Variants in COL11A1 observed in about 807,000 individuals in gnomAD.
COL11A1 encodes the protein collagen alpha-1(XI) chain.
A neutral mutation model predicts 265.2 loss-of-function variants in COL11A1; 74 were observed. The observed-to-expected ratio is 0.28, with a 90% CI of 0.23 to 0.34. COL11A1 has a LOEUF of 0.34. Among genes scored for constraint, COL11A1 ranks in the 10% least tolerant of loss-of-function variants. The pLI is 1.00. For missense variants in COL11A1, 2,165 were observed against 2,263.6 expected, an observed-to-expected ratio of 0.96 and a Z score of 0.88; for synonymous variants, 816 against 727.6, an observed-to-expected ratio of 1.12 and a Z score of -1.96.
chr1:102,992,459 A>G lies in COL11A1; in HGVS notation c.2341-2888T>C, dbSNP rs1371568706. 2.0e-5 allele frequency among the ~76,000 whole-genome samples: 3 copies of G among 152,078 alleles called. No individual in the cohort carries two copies. The East Asian group carries it at 5.8e-4, about 29-fold the overall frequency. The stretch of plus-strand genomic sequence containing the variant: ...ATATCACCTTTGGTTAACAATTAAC[A>G]TCATTATATATAAAATATTTTCCAT... On this transcript the variant is annotated intron_variant, in intron 28 of 66. Coordinates refer to ENST00000370096, the MANE Select transcript of COL11A1 (RefSeq NM_001854.4).
chr1:102,985,494 T>C (rs912651394), intron 30 of COL11A1, among the ~76,000 whole-genome samples: 5 of 152,128 alleles, frequency 3.3e-5, no homozygotes, highest in African/African-American at 1.2e-4. Context: ...TTTTACACCA[T>C]CAATTTCAGG....
intron 28 of COL11A1, among the ~76,000 whole-genome samples, chr1:102,993,318 G>A (rs1664317630): frequency 6.6e-6 from 1 of 151,896 alleles, no homozygotes; most frequent in South Asian, 2.1e-4. Context: ...TCTTCTCTTG[G>A]TATCTAGGGG....
intron 47 of COL11A1, 133 bp from the exon 48 acceptor site, chr1:102,921,704 A>G (rs1341954522): frequency 2.8e-6 from 2 of 726,472 alleles, no homozygotes; most frequent in Admixed American, 2.5e-5. Flanking sequence ...CATCAGGGTT[A>G]TAAGTCATCC....
chr1:102,909,567 G>A (rs1654401823), intron 54 of COL11A1, among the ~76,000 whole-genome samples: 1 of 151,772 alleles, frequency 6.6e-6, no homozygotes, highest in Non-Finnish European at 1.5e-5. Context: ...TCTAATATAT[G>A]AAAATGCATC....
chr1:103,033,107 A>C (rs1260566687), intron 4 of COL11A1, among the ~76,000 whole-genome samples: 3 of 151,974 alleles, frequency 2.0e-5, no homozygotes, highest in Non-Finnish European at 4.4e-5. Context: ...GGCCTTTTTC[A>C]ATTGGCTTCT....
At position 102,962,678 on chromosome 1, in the gene COL11A1, C is replaced by T; in HGVS notation, c.2999G>A (p.Gly1000Asp). ...CTTTGCACCTTCTTTTCCTGCAGCA[C>T]CAGGAAGACCTTGCTCACCAGGAGG... ...PGPPGEQGLP[G>D]AAGKEGAKGD... Residue 1000 changes from glycine to aspartate, a missense_variant, in exon 39 of 67, where the codon GGT becomes GAT. Physicochemically the swap from Gly to Asp is moderately conservative, Grantham distance 94 (BLOSUM62 -1). Coordinates refer to ENST00000370096, the MANE Select transcript of COL11A1 (RefSeq NM_001854.4). The T allele has an allele frequency of 6.2e-7, 1 of 1,614,108 alleles. No homozygotes were observed. Among genetic ancestry groups the T allele is most frequent in the African/African-American group, 1.3e-5 (1 of 75,040 alleles).
At chr1:103,025,806 C>A in intron 6 of COL11A1, 193 bp from the exon 7 acceptor site, 4 of 1,613,044 alleles carry the variant, frequency 2.5e-6, no homozygotes, top group Non-Finnish European at 3.4e-6. Context: ...CTACCTTTAC[C>A]CCTAGTTTGG....
intron 41 of COL11A1, among the ~76,000 whole-genome samples, chr1:102,950,287 G>GT (rs560388196): frequency 1.3e-5 from 2 of 151,900 alleles, no homozygotes; most frequent in African/African-American, 4.8e-5. Context: ...TGTCTCGAAA[G>GT]AAAAAAGAAG....
chr1:102,996,103 A>G, intron 26 of COL11A1, 61 bp from the exon 27 acceptor site: 1 of 1,529,084 alleles, frequency 6.5e-7, no homozygotes, highest in Non-Finnish European at 9.0e-7. Context: ...TCATTTACAT[A>G]CTATAATTTT....
chr1:103,003,299 T>TAA lies in COL11A1; in HGVS notation c.1945-33_1945-32dup, dbSNP rs370445089. 909 of 1,398,620 alleles carry TAA rather than the reference T, an allele frequency of 6.5e-4. 4 individuals carry two copies. The African/African-American group carries it at 0.01, about 16-fold the overall frequency. The allele number at this position is 1,398,620 out of a possible 1,614,324, so 86.6% of individuals were successfully genotyped here. A position where few individuals can be genotyped will look rare whatever the true frequency, so the allele number is the denominator to read the frequency against. On this transcript the variant is annotated intron_variant, in intron 20 of 66. Transcript: ENST00000370096. Reference sequence around the variant, plus strand: ...AGAAAAAGAAAAAGCACGCCTTTATTAAAAAAAAAAAATGTCCTAATAACA... The same window carrying TAA: ...AGAAAAAGAAAAAGCACGCCTTTATTAAAAAAAAAAAAAATGTCCTAATAACA...
intron 53 of COL11A1, among the ~76,000 whole-genome samples, chr1:102,913,194 C>G (rs1654898644): frequency 6.6e-6 from 1 of 151,536 alleles, no homozygotes; most frequent in African/African-American, 2.4e-5. Flanking sequence ...AAAGTACACT[C>G]CTGTATCATT....
chr1:102,940,332 C>T lies in COL11A1; in HGVS notation c.3379G>A (p.Asp1127Asn). ...GPAGSPGEDG[D>N]KGEIGEPGQK... The stretch of plus-strand genomic sequence containing the variant: ...CACGAATAATGAATACCAACCTTGT[C>T]TCCGTCTTCCCCAGGGGAGCCGGCA... The change falls in exon 43 of 67, where the codon GAC becomes AAC. Residue 1127 changes from aspartate to asparagine, a missense_variant. By Grantham distance (23) the Asp-to-Asn change is conservative (BLOSUM62 1). Coordinates refer to ENST00000370096, the MANE Select transcript of COL11A1 (RefSeq NM_001854.4). 6.2e-7 allele frequency: 1 copy of T among 1,612,932 alleles called. No homozygotes were observed. The highest frequency in any genetic ancestry group is 8.5e-7 in the Non-Finnish European group (1 of 1,178,982).
intron 5 of COL11A1, among the ~76,000 whole-genome samples, chr1:103,027,396 AATATATATATATATAT>A (rs57013059): frequency 0.44 from 40,175 of 91,696 alleles, 8,546 homozygotes; most frequent in South Asian, 0.52. Flanking sequence ...TTAAAACTCT[AATATATATATATATAT>A]ATATATATAT....
At chr1:103,006,389 G>T in intron 15 of COL11A1, 74 bp from the exon 16 acceptor site, 1 of 1,163,130 alleles carries the variant, frequency 8.6e-7, no homozygotes, top group Non-Finnish European at 1.2e-6. Context: ...CAAGAGAGAT[G>T]GTTTCAGAAA....
chr1:103,079,358 T>C (rs1373865199), intron 2 of COL11A1, among the ~76,000 whole-genome samples: 1 of 152,124 alleles, frequency 6.6e-6, no homozygotes, highest in African/African-American at 2.4e-5. Flanking sequence ...TATCAAACAA[T>C]GCAGTTTCAC....
chr1:102,891,710 AC>A (rs1294246152), intron 57 of COL11A1, among the ~76,000 whole-genome samples: 2,661 of 142,862 alleles, frequency 0.019, 74 homozygotes, highest in African/African-American at 0.066. Flanking sequence ...CATTTTGTCT[AC>A]AAAAAAAAAA....
Position 102,877,107 on chromosome 1 carries a change from C to G in COL11A1, c.*912G>C, listed in dbSNP as rs374055950. The stretch of plus-strand genomic sequence containing the variant: ...CACTGAAAACAAGGAGATGAGATAA[C>G]GTAGAAAAAAAGTATACATATGATT... On this transcript the variant is annotated 3_prime_UTR_variant, in exon 67 of 67. Coordinates refer to ENST00000370096, the MANE Select transcript of COL11A1 (RefSeq NM_001854.4). 6.6e-6 allele frequency: 1 copy of G among 152,380 alleles called. No homozygotes were observed. The highest frequency in any genetic ancestry group is 2.1e-4 in the South Asian group (1 of 4,834). The allele number at this position is 152,380 out of a possible 1,614,324, so 9.4% of individuals were successfully genotyped here.
At chr1:103,095,752 G>A (rs919629116) in intron 1 of COL11A1, among the ~76,000 whole-genome samples, 1 of 151,826 alleles carries the variant, frequency 6.6e-6, no homozygotes, top group East Asian at 1.9e-4. Flanking sequence ...ATATTGTTCA[G>A]TTTGGATAGA....
At chr1:102,930,021 A>G (rs1247098539) in intron 46 of COL11A1, among the ~76,000 whole-genome samples, 2 of 152,126 alleles carry the variant, frequency 1.3e-5, no homozygotes, top group African/African-American at 2.4e-5. Context: ...TAGATATACA[A>G]TCATGTCATC....
Sources: allele counts gnomAD v4.1 joint callset (sites outside exome capture counted in the v4.1 genomes callset), GRCh38; gene constraint gnomAD v4.1.1; transcripts MANE v1.5; gene names NCBI Gene and HGNC (gene_info 2026-07-23, HGNC 2026-07-21).